RTCB: variants seen among roughly 807,000 people sequenced by gnomAD.
The protein encoded by RTCB is RNA-splicing ligase RTCB.
RTCB carries 32 observed loss-of-function variants against 58.2 expected under a neutral mutation model. The observed-to-expected ratio is 0.55, with a 90% CI of 0.41 to 0.74. The LOEUF is 0.74. RTCB is among the 30% of genes least tolerant of loss of function. The pLI, the probability that RTCB is intolerant of heterozygous loss-of-function variation, is 0.00. For synonymous variants in RTCB, 247 were observed against 218.6 expected, an observed-to-expected ratio of 1.13 and a Z score of -1.15; for missense variants, 523 against 639.0, an observed-to-expected ratio of 0.82 and a Z score of 1.96.
intron 4 of RTCB, among the ~76,000 whole-genome samples, chr22:32,403,258 T>A (rs1329506259): frequency 6.6e-6 from 1 of 151,850 alleles, no homozygotes; most frequent in Non-Finnish European, 1.5e-5. Context: ...TACAAAAAAA[T>A]TAGCGGGGTA....
At chr22:32,399,482 T>G in intron 6 of RTCB, 121 bp downstream of exon 6, 1 of 951,158 alleles carries the variant, frequency 1.1e-6, no homozygotes, top group Non-Finnish European at 1.6e-6. Context: ...TTTGTATTTT[T>G]TGATATACCA....
rs1207040846 is a variant in RTCB, at chr22:32,398,044, A to C, written c.711T>G (p.Ile237Met). 6.2e-7 allele frequency: 1 copy of C among 1,614,150 alleles called. No individual in the cohort carries two copies. Residue 237 changes from isoleucine (I) to methionine (M), a missense_variant, in exon 7 of 12, where the codon ATT (isoleucine) becomes ATG (methionine). Coordinates refer to ENST00000216038, the MANE Select transcript of RTCB (RefSeq NM_014306.5). ...TTTTTTTAGCAGCATACTCATTGAAAATCTCATCCACAACCTGGATTTCTG... is the reference window on the plus strand; with the variant it reads ...TTTTTTTAGCAGCATACTCATTGAACATCTCATCCACAACCTGGATTTCTG... ...HYAEIQVVDE[I>M]FNEYAAKKMG...
chr22:32,399,577 C>T (rs1601427664), intron 6 of RTCB, 26 bp downstream of exon 6: 1 of 1,567,766 alleles, frequency 6.4e-7, no homozygotes, highest in Non-Finnish European at 8.7e-7. Flanking sequence ...AAAAAATTAA[C>T]ATGTTGCCCC....
chr22:32,410,124 C>T (rs1601432983), intron 1 of RTCB, among the ~76,000 whole-genome samples: 1 of 152,068 alleles, frequency 6.6e-6, no homozygotes, highest in Non-Finnish European at 1.5e-5. Flanking sequence ...CCAGTACAGC[C>T]CTTATATTCT....
At chr22:32,404,101 G>A (rs1420725007) in intron 4 of RTCB, among the ~76,000 whole-genome samples, 2 of 152,158 alleles carry the variant, frequency 1.3e-5, no homozygotes, top group Non-Finnish European at 2.9e-5. Context: ...TGGCTACTGT[G>A]AACAATGCTA....
At position 32,406,649 on chromosome 22, in the gene RTCB, A is replaced by T; in HGVS notation, c.340+13T>A. On this transcript the variant is annotated intron_variant, in intron 4 of 11. Coordinates refer to ENST00000216038, the MANE Select transcript of RTCB (RefSeq NM_014306.5). ...GCTACACACTTAACAGCAGATGTCC[A>T]CAGTGATCTTACCTGGGGATACTAC... The T allele has an allele frequency of 3.8e-6, 6 of 1,579,986 alleles. No homozygotes were observed. The highest frequency in any genetic ancestry group is 5.2e-6 in the Non-Finnish European group (6 of 1,149,572).
At chr22:32,397,813 T>G in intron 7 of RTCB, 128 bp downstream of exon 7, 1 of 759,446 alleles carries the variant, frequency 1.3e-6, no homozygotes, top group Non-Finnish European at 2.0e-6. Flanking sequence ...CCCAGTGAAT[T>G]TGTCCAAGTT....
intron 6 of RTCB, 141 bp from the exon 7 acceptor site, chr22:32,398,241 T>C: frequency 1.1e-6 from 1 of 892,062 alleles, no homozygotes. Context: ...ATTCCTAAGC[T>C]ATAGAAGTGT....
intron 4 of RTCB, among the ~76,000 whole-genome samples, chr22:32,405,087 G>T (rs949837451): frequency 6.6e-6 from 1 of 152,124 alleles, no homozygotes; most frequent in African/African-American, 2.4e-5. Flanking sequence ...CATTTCAGGT[G>T]TGTAAGATTC....
In RTCB at chr22:32,388,331, G is replaced by A. The variant is rs1933093550; in HGVS notation, c.1411-232C>T. 2.0e-5 allele frequency among the ~76,000 whole-genome samples: 3 copies of A among 150,224 alleles called. No homozygotes were observed. In the South Asian group the frequency reaches 6.3e-4, roughly 32 times the overall value. On this transcript the variant is annotated intron_variant, in intron 11 of 11. Transcript: ENST00000216038. ...CTGTATTTTTCAAAATGTCTTTAAAGAACATGTATTACTTGTATAACTAGG... is the reference window on the plus strand; with the variant it reads ...CTGTATTTTTCAAAATGTCTTTAAAAAACATGTATTACTTGTATAACTAGG...
intron 4 of RTCB, 82 bp from the exon 5 acceptor site, chr22:32,401,985 A>C: frequency 7.4e-7 from 1 of 1,344,856 alleles, no homozygotes; most frequent in Non-Finnish European, 1.0e-6. Context: ...TGGAACTATA[A>C]AGATACCCAT....
At chr22:32,395,711 G>C (rs1460836735) in intron 8 of RTCB, among the ~76,000 whole-genome samples, 4 of 151,118 alleles carry the variant, frequency 2.6e-5, no homozygotes, top group African/African-American at 9.7e-5. Context: ...TTTTTCTTTT[G>C]GAGACAGGAG....
At chr22:32,393,665 T>G (rs1361952131) in intron 10 of RTCB, among the ~76,000 whole-genome samples, 1 of 152,122 alleles carries the variant, frequency 6.6e-6, no homozygotes, top group African/African-American at 2.4e-5. Flanking sequence ...CTTGCAGAGA[T>G]AAGAAACGGT....
intron 7 of RTCB, 109 bp downstream of exon 7, chr22:32,397,832 G>C: frequency 1.0e-6 from 1 of 987,776 alleles, no homozygotes; most frequent in South Asian, 2.1e-5. Context: ...TTATTTAATT[G>C]TTGAGGACTC....
chr22:32,391,172 A>G (rs1191264556), intron 11 of RTCB, among the ~76,000 whole-genome samples: 7 of 152,232 alleles, frequency 4.6e-5, no homozygotes, highest in Non-Finnish European at 1.5e-5. Flanking sequence ...ACTCATTACA[A>G]TTTAATTTAT....
chr22:32,409,334 T>C (rs1488374054), intron 1 of RTCB, among the ~76,000 whole-genome samples: 3 of 152,200 alleles, frequency 2.0e-5, no homozygotes, highest in African/African-American at 7.2e-5. Context: ...GACTTACAAA[T>C]CTCTAGTTAG....
At chr22:32,411,539 G>A (rs980702538) in intron 1 of RTCB, among the ~76,000 whole-genome samples, 2 of 152,136 alleles carry the variant, frequency 1.3e-5, no homozygotes, top group African/African-American at 2.4e-5. Context: ...AATCAAACAG[G>A]CCCTGCCCTG....
intron 6 of RTCB, 152 bp from the exon 7 acceptor site, chr22:32,398,252 T>C: frequency 1.2e-6 from 1 of 822,432 alleles, no homozygotes; most frequent in South Asian, 1.7e-5. Context: ...ATAGAAGTGT[T>C]TCATTTACAA....
At position 32,399,606 on chromosome 22, in the gene RTCB, A is replaced by G; in HGVS notation, c.651T>C (p.Pro217=). 6.2e-7 allele frequency: 1 copy of G among 1,610,968 alleles called. No homozygotes were observed. Among genetic ancestry groups the G allele is most frequent in the Non-Finnish European group, 8.5e-7 (1 of 1,178,302 alleles). ...TTGCCCCTCCAAAGTGAGTTACCTG[A>G]GGAAGGCCTCTTTTCTTCGCCCTTG... ...VSARAKKRGL[P]QLGTLGAGNH... Residue 217 remains proline, a synonymous_variant, in exon 6 of 12, where the codon CCT becomes CCC. Transcript: ENST00000216038.
Sources: gnomAD v4.1 joint callset for allele counts (sites outside exome capture counted in the v4.1 genomes callset) on GRCh38, gnomAD v4.1.1 for gene constraint, MANE v1.5 for transcripts, NCBI Gene and HGNC (gene_info 2026-07-23, HGNC 2026-07-21) for gene names.